Variants in ERAP1 observed in about 807,000 individuals in gnomAD.
ERAP1 encodes adipocyte-derived leucine aminopeptidase.
ERAP1 carries 86 observed loss-of-function variants against 103.7 expected under a neutral mutation model. The ratio of observed to expected loss-of-function variants is 0.83; its 90% confidence interval spans 0.70 to 0.99. The LOEUF (loss-of-function observed/expected upper bound fraction) is 0.99, where lower values mean the gene tolerates loss of function less well. Among genes scored for constraint, ERAP1 ranks in the 50% least tolerant of loss-of-function variants. ERAP1 has a pLI of 0.00. For synonymous variants in ERAP1, 398 were observed against 402.4 expected (o/e 0.99, Z 0.13); for missense variants, 1,009 against 1,128.4 (o/e 0.89, Z 1.52).
the ERAP1 span, among the ~76,000 whole-genome samples, chr5:96,856,605 T>C: frequency 6.6e-6 from 1 of 152,020 alleles, no homozygotes; most frequent in Non-Finnish European, 1.5e-5. Flanking sequence ...TAATTACTTA[T>C]ATCAATTCTC....
chr5:96,883,503 T>C, the ERAP1 span, among the ~76,000 whole-genome samples: 1 of 152,246 alleles, frequency 6.6e-6, no homozygotes, highest in Admixed American at 6.5e-5. Flanking sequence ...CTGCGGATCC[T>C]GCTAAGGTCA....
At chr5:96,764,750 C>T (rs1769240793) in intron 19 of ERAP1, among the ~76,000 whole-genome samples, 1 of 152,166 alleles carries the variant, frequency 6.6e-6, no homozygotes, top group Non-Finnish European at 1.5e-5. Context: ...AAACACTTAC[C>T]CTCTATAGTT....
the ERAP1 span, chr5:96,895,229 G>T: frequency 1.4e-6 from 2 of 1,406,132 alleles, no homozygotes; most frequent in Non-Finnish European, 2.0e-6. Context: ...TAATAATATT[G>T]AGTTTTTACC....
chr5:96,901,390 C>A, the ERAP1 span: 7 of 1,142,316 alleles, frequency 6.1e-6, no homozygotes, highest in South Asian at 1.0e-4. Context: ...GATACCAGTC[C>A]GAGTCTTCTG....
chr5:96,842,109 C>A, the ERAP1 span, among the ~76,000 whole-genome samples: 1 of 152,254 alleles, frequency 6.6e-6, no homozygotes, highest in African/African-American at 2.4e-5. Flanking sequence ...GCTGCAAATG[C>A]CATTATTTCA....
chr5:96,767,369 C>T, intron 19 of ERAP1: 1 of 1,280,246 alleles, frequency 7.8e-7, no homozygotes, highest in Non-Finnish European at 1.1e-6. Context: ...AATAGATTCT[C>T]TACTGCCTAA....
chr5:96,820,993 G>A, the ERAP1 span, among the ~76,000 whole-genome samples: 3 of 152,164 alleles, frequency 2.0e-5, no homozygotes, highest in African/African-American at 2.4e-5. Context: ...GAGAGAAGAA[G>A]AGAGATTGAT....
Position 96,776,163 on chromosome 5 carries a change from C to T in ERAP1, c.*233G>A. On this transcript the variant is annotated 3_prime_UTR_variant, in exon 19 of 19. Coordinates refer to ENST00000443439, the MANE Select transcript of ERAP1 (RefSeq NM_001040458.3). ...ACTTTATTCTTCTGTGGCAGGGAAC[C>T]CAACACTTGGGTTTACGTTGCAGGG... 2.0e-6 allele frequency: 3 copies of T among 1,499,912 alleles called. No homozygotes were observed. Among genetic ancestry groups the T allele is most frequent in the Non-Finnish European group, 2.7e-6 (3 of 1,123,820 alleles). The allele number at this position is 1,499,912 out of a possible 1,614,324, so 92.9% of individuals were successfully genotyped here. A position where few individuals can be genotyped will look rare whatever the true frequency, so the allele number is the denominator to read the frequency against.
At chr5:96,834,900 C>A in the ERAP1 span, among the ~76,000 whole-genome samples, 2 of 152,238 alleles carry the variant, frequency 1.3e-5, no homozygotes, top group Admixed American at 6.5e-5. Context: ...CAGTAATAGG[C>A]AGTTTTTTAG....
chr5:96,774,592 T>A lies in ERAP1; in HGVS notation c.*1804A>T, dbSNP rs542214171. The A allele has an allele frequency of 1.0e-6, 1 of 985,556 alleles. No homozygotes were observed. Among genetic ancestry groups the A allele is most frequent in the Non-Finnish European group, 1.2e-6 (1 of 829,840 alleles). 61.1% of individuals were successfully genotyped at this position (985,556 alleles called of 1,614,324 possible). On this transcript the variant is annotated 3_prime_UTR_variant, in exon 19 of 19. Coordinates refer to ENST00000443439, the MANE Select transcript of ERAP1 (RefSeq NM_001040458.3). ...TTTTCCAAAAGCAAACAAAGATAGG[T>A]TCCTCAGGTGACCAAAACTGAAAAT...
At chr5:96,797,401 A>G in intron 3 of ERAP1, 92 bp from the exon 4 acceptor site, 1 of 1,437,662 alleles carries the variant, frequency 7.0e-7, no homozygotes, top group Non-Finnish European at 9.7e-7. Flanking sequence ...TAATATTAAA[A>G]GTGTATCAAT....
the ERAP1 span, among the ~76,000 whole-genome samples, chr5:96,813,872 A>C: frequency 1.3e-5 from 2 of 152,104 alleles, no homozygotes; most frequent in African/African-American, 4.8e-5. Context: ...TTTTTAGTGA[A>C]TCCAACTGTT....
the ERAP1 span, among the ~76,000 whole-genome samples, chr5:96,924,547 G>A: frequency 8.6e-5 from 13 of 151,684 alleles, no homozygotes; most frequent in African/African-American, 2.7e-4. Flanking sequence ...ATATTCAAGA[G>A]TATAAACATC....
chr5:96,787,220 T>G (rs963903935), intron 11 of ERAP1, among the ~76,000 whole-genome samples: 2 of 152,214 alleles, frequency 1.3e-5, no homozygotes, highest in African/African-American at 4.8e-5. Flanking sequence ...TTCCCAATTT[T>G]GATAATTGTA....
chr5:96,839,526 AC>A, the ERAP1 span, among the ~76,000 whole-genome samples: 1 of 152,242 alleles, frequency 6.6e-6, no homozygotes, highest in Admixed American at 6.5e-5. Context: ...GGAACCAGGG[AC>A]AAAGACCAGC....
At chr5:96,836,409 C>A in the ERAP1 span, among the ~76,000 whole-genome samples, 2 of 152,000 alleles carry the variant, frequency 1.3e-5, no homozygotes, top group Non-Finnish European at 2.9e-5. Flanking sequence ...ACCATGTTGG[C>A]CAGGCTGGTC....
chr5:96,765,676 G>A (rs1343951489), intron 19 of ERAP1, among the ~76,000 whole-genome samples: 1 of 152,080 alleles, frequency 6.6e-6, no homozygotes, highest in East Asian at 1.9e-4. Flanking sequence ...TCTCTAAATG[G>A]CAAGGTACAG....
intron 16 of ERAP1, among the ~76,000 whole-genome samples, chr5:96,781,434 T>C (rs1775155088): frequency 6.6e-6 from 1 of 152,136 alleles, no homozygotes; most frequent in Admixed American, 6.5e-5. Context: ...AAAAGAATAG[T>C]TAAGGAAGAG....
chr5:96,928,766 T>C, the ERAP1 span, among the ~76,000 whole-genome samples: 1 of 152,152 alleles, frequency 6.6e-6, no homozygotes, highest in African/African-American at 2.4e-5. Flanking sequence ...AGAGAGGCAA[T>C]TGTTATACTG....
Sources: gnomAD v4.1 joint callset for allele counts (sites outside exome capture counted in the v4.1 genomes callset) on GRCh38, gnomAD v4.1.1 for gene constraint, MANE v1.5 for transcripts, NCBI Gene and HGNC (gene_info 2026-07-23, HGNC 2026-07-21) for gene names.